The following WWP2 variants were observed in gnomAD, a reference collection of about 807,000 sequenced individuals.
WWP2 encodes the protein NEDD4-like E3 ubiquitin-protein ligase WWP2.
WWP2 carries 57 observed loss-of-function variants against 121.0 expected under a neutral mutation model. That is an observed-to-expected ratio of 0.47 (90% CI 0.38 to 0.59). WWP2 has a LOEUF of 0.59. WWP2 is among the 20% of genes least tolerant of loss of function. The probability of loss-of-function intolerance (pLI) is 0.00; values close to 1 mark genes in which losing one functional copy is unlikely to be tolerated. For missense variants in WWP2, 962 were observed against 1,158.9 expected (o/e 0.83, Z 2.47); for synonymous variants, 449 against 441.3 (o/e 1.02, Z -0.22).
At chr16:69,833,921 T>G (rs2056832866) in intron 4 of WWP2, among the ~76,000 whole-genome samples, 1 of 152,204 alleles carries the variant, frequency 6.6e-6, no homozygotes, top group Admixed American at 6.5e-5. Context: ...TTCTAACTCA[T>G]GCTAGGGAGG....
At chr16:69,770,118 T>A (rs2055385649) in intron 1 of WWP2, among the ~76,000 whole-genome samples, 1 of 152,190 alleles carries the variant, frequency 6.6e-6, no homozygotes, top group Non-Finnish European at 1.5e-5. Flanking sequence ...TGCCTTGGCC[T>A]CCCAAAGTGC....
chr16:69,882,065 C>G (rs35469244), intron 7 of WWP2, among the ~76,000 whole-genome samples: 6,407 of 152,034 alleles, frequency 0.042, 219 homozygotes, highest in East Asian at 0.15. Flanking sequence ...AATGATCCAC[C>G]TGCTTTGGCC....
chr16:69,833,450 A>G (rs2056825860), intron 4 of WWP2, among the ~76,000 whole-genome samples: 1 of 152,122 alleles, frequency 6.6e-6, no homozygotes, highest in African/African-American at 2.4e-5. Context: ...CAGGAGGCAC[A>G]TGGTGTCTGA....
intron 10 of WWP2, 144 bp downstream of exon 10, chr16:69,918,027 C>T: frequency 1.8e-6 from 2 of 1,095,308 alleles, no homozygotes; most frequent in Non-Finnish European, 2.6e-6. Context: ...AGATTTTACT[C>T]ATCACAGTGA....
Position 69,786,993 on chromosome 16 carries a change from C to T in WWP2, c.-15-3C>T. Reference sequence around the variant, plus strand: ...TGAATTCTTTTTTCTGTTTGTCTTACAGCTTCACGGTGATGATATGGCATC... The same window carrying T: ...TGAATTCTTTTTTCTGTTTGTCTTATAGCTTCACGGTGATGATATGGCATC... On this transcript the variant is annotated splice_polypyrimidine_tract_variant and splice_region_variant and intron_variant, in intron 1 of 23. Transcript: ENST00000359154. 6.2e-7 allele frequency: 1 copy of T among 1,602,628 alleles called. No individual in the cohort carries two copies. Among genetic ancestry groups the T allele is most frequent in the Non-Finnish European group, 8.5e-7 (1 of 1,175,464 alleles).
intron 1 of WWP2, among the ~76,000 whole-genome samples, chr16:69,770,796 T>C (rs2055397146): frequency 6.6e-6 from 1 of 151,896 alleles, no homozygotes; most frequent in African/African-American, 2.4e-5. Context: ...GCAGAATTGA[T>C]TGCTTACTTG....
chr16:69,938,971 G>A, intron 21 of WWP2, 56 bp from the exon 22 acceptor site: 3 of 1,518,878 alleles, frequency 2.0e-6, no homozygotes, highest in Non-Finnish European at 2.7e-6. Flanking sequence ...CCACGTTCGG[G>A]CAAAGTACTG....
chr16:69,889,146 TAC>T lies in WWP2; in HGVS notation c.914+927_914+928del, dbSNP rs143311481. Among the ~76,000 whole-genome samples the T allele has an allele frequency of 5.7e-3, 827 of 145,686 alleles. 6 individuals carry two copies. The highest frequency in any genetic ancestry group is 0.011 in the South Asian group (48 of 4,566). On this transcript the variant is annotated intron_variant, in intron 8 of 23. Transcript: ENST00000359154. Reference sequence around the variant, plus strand: ...CTGGGCAATATAGTGATATCCTGCCTACACACACACACACACACACACACACA... The same window carrying T: ...CTGGGCAATATAGTGATATCCTGCCTACACACACACACACACACACACACA...
At chr16:69,845,776 G>A (rs1052819663) in intron 6 of WWP2, among the ~76,000 whole-genome samples, 3 of 151,988 alleles carry the variant, frequency 2.0e-5, no homozygotes, top group African/African-American at 7.2e-5. Flanking sequence ...AAGCCTGGGC[G>A]TGGTGGCTCA....
chr16:69,848,450 C>CAAA (rs201577619), intron 6 of WWP2, among the ~76,000 whole-genome samples: 2 of 132,240 alleles, frequency 1.5e-5, no homozygotes, highest in African/African-American at 5.6e-5. Flanking sequence ...AGCTCCATCT[C>CAAA]AAAAAAAAAA....
chr16:69,866,225 A>G (rs1050093123), intron 6 of WWP2, among the ~76,000 whole-genome samples: 1 of 152,068 alleles, frequency 6.6e-6, no homozygotes. Context: ...GGAGTTTAAA[A>G]TTTTTGATGA....
intron 13 of WWP2, 74 bp from the exon 14 acceptor site, chr16:69,931,078 T>TAA: frequency 6.8e-7 from 1 of 1,469,380 alleles, no homozygotes; most frequent in Non-Finnish European, 9.5e-7. Flanking sequence ...CCAGCTTTCC[T>TAA]TAGGGCTGAC....
In WWP2 at chr16:69,828,109, G is replaced by A. The variant is rs1385618268; in HGVS notation, c.341-12017G>A. On this transcript the variant is annotated intron_variant, in intron 4 of 23. Coordinates refer to ENST00000359154, the MANE Select transcript of WWP2 (RefSeq NM_001270454.2). ...AAAGGAAAATGTGTGTAGCTGGATGGGCCTTGCCTATAGAGCACTGGGACC... is the reference window on the plus strand; with the variant it reads ...AAAGGAAAATGTGTGTAGCTGGATGAGCCTTGCCTATAGAGCACTGGGACC... 4 of 359,692 alleles carry A rather than the reference G, an allele frequency of 1.1e-5. No individual in the cohort carries two copies. In the East Asian group the frequency reaches 2.2e-4, roughly 20 times the overall value. 22.3% of individuals were successfully genotyped at this position (359,692 alleles called of 1,614,324 possible).
intron 6 of WWP2, among the ~76,000 whole-genome samples, chr16:69,847,275 G>C (rs1307935604): frequency 6.6e-5 from 10 of 151,758 alleles, no homozygotes; most frequent in Admixed American, 2.6e-4. Flanking sequence ...AGTAGAGACG[G>C]GGTTTCACCA....
In WWP2 at chr16:69,937,063, G is replaced by T; in HGVS notation, c.2118-55G>T. The T allele has an allele frequency of 6.3e-7, 1 of 1,591,774 alleles. No individual in the cohort carries two copies. Among genetic ancestry groups the T allele is most frequent in the Admixed American group, 1.7e-5 (1 of 58,598 alleles). Reference sequence around the variant, plus strand: ...TAACGGCCACGCGGCCTGGCCGGGAGCCACCCCTGAGCAGTGGGTCTCAGA... The same window carrying T: ...TAACGGCCACGCGGCCTGGCCGGGATCCACCCCTGAGCAGTGGGTCTCAGA... On this transcript the variant is annotated intron_variant, in intron 19 of 23. Coordinates refer to ENST00000359154, the MANE Select transcript of WWP2 (RefSeq NM_001270454.2). This position sits in a 1 kb window ranked among gnomAD's most constrained non-coding sequence, Gnocchi z 6.6.
At chr16:69,887,146 T>C (rs1310558743) in intron 7 of WWP2, among the ~76,000 whole-genome samples, 2 of 152,194 alleles carry the variant, frequency 1.3e-5, no homozygotes, top group Non-Finnish European at 2.9e-5. Flanking sequence ...ATAGGGAGAC[T>C]TGGGGACTAG....
At chr16:69,835,803 A>AT (rs1253199055) in intron 4 of WWP2, among the ~76,000 whole-genome samples, 1,701 of 130,788 alleles carry the variant, frequency 0.013, 12 homozygotes, top group Admixed American at 0.023. Context: ...AACCAAAGTA[A>AT]ATTTTTTTTT....
chr16:69,777,520 C>T (rs1020144394), intron 1 of WWP2, among the ~76,000 whole-genome samples: 2 of 151,632 alleles, frequency 1.3e-5, no homozygotes, highest in Non-Finnish European at 2.9e-5. Flanking sequence ...AGGCTGGTCT[C>T]GAACTCCTGA....
chr16:69,901,055 C>T (rs2058196093), intron 8 of WWP2, among the ~76,000 whole-genome samples: 3 of 152,122 alleles, frequency 2.0e-5, no homozygotes, highest in Admixed American at 1.3e-4. Context: ...ACCCAGTTTA[C>T]AAAGGACCTA....
Sources: allele counts gnomAD v4.1 joint callset (sites outside exome capture counted in the v4.1 genomes callset), GRCh38; gene constraint gnomAD v4.1.1; non-coding constraint Gnocchi (gnomAD v3.1); transcripts MANE v1.5; gene names NCBI Gene and HGNC (gene_info 2026-07-23, HGNC 2026-07-21).